The following SLC9B1 variants were observed in gnomAD, a reference collection of about 807,000 sequenced individuals.
SLC9B1 encodes the protein solute carrier family 9 member B1.
A neutral mutation model predicts 51.7 loss-of-function variants in SLC9B1; 32 were observed. The ratio of observed to expected loss-of-function variants is 0.62; its 90% CI spans 0.47 to 0.83. The LOEUF (loss-of-function observed/expected upper bound fraction) is 0.83, where lower values mean the gene tolerates loss of function less well. Among genes scored for constraint, SLC9B1 ranks in the 40% least tolerant of loss-of-function variants. The pLI, the probability that SLC9B1 is intolerant of heterozygous loss-of-function variation, is 0.00. For missense variants in SLC9B1, 406 were observed against 613.2 expected, an observed-to-expected ratio of 0.66 and a Z score of 3.57; for synonymous variants, 145 against 212.7, an observed-to-expected ratio of 0.68 and a Z score of 2.77.
intron 7 of SLC9B1, among the ~76,000 whole-genome samples, chr4:102,924,588 A>G (rs13137344): frequency 5.3e-5 from 8 of 152,350 alleles, no homozygotes; most frequent in African/African-American, 1.9e-4. Context: ...GCTTCTGCAC[A>G]GCAAAAGAAA....
At chr4:102,926,714 T>C (rs1736199212) in intron 7 of SLC9B1, among the ~76,000 whole-genome samples, 1 of 152,120 alleles carries the variant, frequency 6.6e-6, no homozygotes, top group South Asian at 2.1e-4. Context: ...ATCAAGCTAC[T>C]AATGACTTTC....
At chr4:102,977,297 TAAA>T (rs3974480) in intron 3 of SLC9B1, among the ~76,000 whole-genome samples, 7,279 of 129,234 alleles carry the variant, frequency 0.056, 293 homozygotes, top group African/African-American at 0.12. Context: ...TATTATAACT[TAAA>T]AAAAAAAAAA....
At chr4:102,908,009 A>C (rs116760135) in intron 9 of SLC9B1, among the ~76,000 whole-genome samples, 1 of 152,118 alleles carries the variant, frequency 6.6e-6, no homozygotes, top group South Asian at 2.1e-4. Flanking sequence ...ACAAAATGTC[A>C]CTATGATTTT....
chr4:102,974,185 C>A (rs369558701), intron 3 of SLC9B1, among the ~76,000 whole-genome samples: 1 of 129,718 alleles, frequency 7.7e-6, no homozygotes, highest in Non-Finnish European at 1.6e-5. Context: ...TGCAGTGAGC[C>A]GAGATTGGGC....
At chr4:103,019,095 G>A (rs1741591930) in intron 1 of SLC9B1, among the ~76,000 whole-genome samples, 1 of 152,164 alleles carries the variant, frequency 6.6e-6, no homozygotes, top group Admixed American at 6.5e-5. Context: ...GGGGACTGCT[G>A]GAAGTGCTTG....
intron 5 of SLC9B1, 91 bp from the exon 6 acceptor site, chr4:102,945,411 A>T (rs1212021062): frequency 7.3e-7 from 1 of 1,377,376 alleles, no homozygotes; most frequent in African/African-American, 1.4e-5. Flanking sequence ...GTCTTTTTTC[A>T]TAAGAAGCTT....
At chr4:103,012,170 G>A (rs542923608) in intron 1 of SLC9B1, among the ~76,000 whole-genome samples, 1 of 152,238 alleles carries the variant, frequency 6.6e-6, no homozygotes, top group East Asian at 1.9e-4. Flanking sequence ...GAAGCATGTA[G>A]CACCCTCAGC....
intron 3 of SLC9B1, among the ~76,000 whole-genome samples, chr4:102,960,973 C>A (rs4698866): frequency 0.55 from 82,896 of 151,558 alleles, 23,224 homozygotes; most frequent in African/African-American, 0.68. Flanking sequence ...CTCAGGTGAT[C>A]CGCCCGCCTC....
intron 3 of SLC9B1, among the ~76,000 whole-genome samples, chr4:102,959,576 AC>A (rs1737988649): frequency 6.6e-6 from 1 of 152,178 alleles, no homozygotes; most frequent in African/African-American, 2.4e-5. Context: ...TTCTCTAATT[AC>A]ATCATGGATT....
At chr4:102,941,696 A>G (rs1737010153) in intron 6 of SLC9B1, among the ~76,000 whole-genome samples, 2 of 150,902 alleles carry the variant, frequency 1.3e-5, no homozygotes, top group South Asian at 2.1e-4. Context: ...ACCCACAGCC[A>G]GCATTATACT....
intron 1 of SLC9B1, among the ~76,000 whole-genome samples, chr4:102,997,134 TTTG>T (rs1740269759): frequency 1.3e-5 from 2 of 152,142 alleles, no homozygotes. Flanking sequence ...ATTCTCCACT[TTTG>T]TTGTTCTTCA....
At chr4:102,959,703 C>T (rs568315989) in intron 3 of SLC9B1, among the ~76,000 whole-genome samples, 12 of 152,108 alleles carry the variant, frequency 7.9e-5, no homozygotes, top group Non-Finnish European at 1.6e-4. Context: ...AGGACACTCC[C>T]CTGTGCTGTT....
At position 102,932,250 on chromosome 4, in the gene SLC9B1, C is replaced by T. The variant is rs1188999729; in HGVS notation, c.703G>A (p.Val235Met). The T allele has an allele frequency of 1.2e-6, 2 of 1,611,696 alleles. No homozygotes were observed. Among genetic ancestry groups the T allele is most frequent in the East Asian group, 2.2e-5 (1 of 44,840 alleles). ...ACACCATATCCATTTTCTTGCAGCA[C>T]CATCATGTAAGGGACAACAACAGCA... The part of the protein sequence containing the change: ...SPAVVVPYMM[V>M]LQENGYGVEE... The change falls in exon 7 of 12, where the codon GTG becomes ATG. Residue 235 changes from valine to methionine, a missense_variant. By Grantham distance (21) the Val-to-Met change is conservative. Transcript: ENST00000296422.
At chr4:102,948,362 A>T (rs1008455821) in intron 4 of SLC9B1, among the ~76,000 whole-genome samples, 8 of 151,272 alleles carry the variant, frequency 5.3e-5, no homozygotes, top group Non-Finnish European at 7.4e-5. Context: ...ACACACACAC[A>T]CACACTACTG....
intron 3 of SLC9B1, among the ~76,000 whole-genome samples, chr4:102,973,488 T>G (rs1033907985): frequency 2.6e-5 from 4 of 152,056 alleles, no homozygotes; most frequent in African/African-American, 7.2e-5. Context: ...AAAATCAAAA[T>G]GTAGTAAGAT....
rs201641644 is a variant in SLC9B1, at chr4:102,921,913, G to A, written c.829+10211C>T. Among the ~76,000 whole-genome samples, 10 of 152,142 alleles carry A rather than the reference G, an allele frequency of 6.6e-5. No homozygotes were observed. In the East Asian group the frequency reaches 1.7e-3, roughly 26 times the overall value. ...CAAGAGCACCCAGATTCATAAAGCA[G>A]GTCCTTAGAGACTTACAAAGAGACT... On this transcript the variant is annotated intron_variant, in intron 7 of 11. Transcript: ENST00000296422.
intron 3 of SLC9B1, among the ~76,000 whole-genome samples, chr4:102,980,047 T>C (rs527291896): frequency 2.6e-5 from 4 of 152,316 alleles, no homozygotes; most frequent in Admixed American, 2.6e-4. Context: ...CACAATGATT[T>C]ACCATCTTAT....
intron 3 of SLC9B1, among the ~76,000 whole-genome samples, chr4:102,988,381 A>G (rs1739769207): frequency 6.6e-6 from 1 of 152,110 alleles, no homozygotes; most frequent in Admixed American, 6.6e-5. Flanking sequence ...TTTAAATTTA[A>G]CTTGTACACA....
chr4:103,018,734 C>G (rs963460212), intron 1 of SLC9B1, among the ~76,000 whole-genome samples: 3 of 152,276 alleles, frequency 2.0e-5, no homozygotes, highest in Middle Eastern at 3.4e-3. Flanking sequence ...GTGACAGACA[C>G]AGTATGTGTG....
Sources: allele counts gnomAD v4.1 joint callset (sites outside exome capture counted in the v4.1 genomes callset), GRCh38; gene constraint gnomAD v4.1.1; transcripts MANE v1.5; gene names NCBI Gene and HGNC (gene_info 2026-07-23, HGNC 2026-07-21).